Variants in RSU1 observed in about 807,000 individuals in gnomAD.
RSU1 encodes Ras suppressor protein 1.
Under a neutral mutation model 31.1 loss-of-function variants are expected in RSU1, and 26 were observed. The ratio of observed to expected loss-of-function variants is 0.84; its 90% confidence interval spans 0.61 to 1.16. RSU1 has a LOEUF of 1.16. RSU1 is among the 50% of genes most tolerant of loss of function. The pLI is 0.00. For missense variants in RSU1, 320 were observed against 339.1 expected (o/e 0.94, Z 0.44); for synonymous variants, 164 against 136.3 (o/e 1.20, Z -1.41).
chr10:16,749,830 C>T (rs898072162), intron 7 of RSU1, among the ~76,000 whole-genome samples: 4 of 152,200 alleles, frequency 2.6e-5, no homozygotes, highest in East Asian at 1.9e-4. Flanking sequence ...CCTGCCTTTT[C>T]GGGAGAGTGT....
chr10:16,749,443 A>T (rs1015491000), intron 7 of RSU1, among the ~76,000 whole-genome samples: 5 of 152,166 alleles, frequency 3.3e-5, no homozygotes, highest in African/African-American at 1.2e-4. Flanking sequence ...TCTCAAAAGC[A>T]TTTATCTCGT....
chr10:16,778,293 G>C (rs905302637), intron 3 of RSU1, among the ~76,000 whole-genome samples: 1 of 152,080 alleles, frequency 6.6e-6, no homozygotes, highest in African/African-American at 2.4e-5. Context: ...GTCTGTGGCA[G>C]CCACATCTAC....
chr10:16,633,602 T>C (rs1273734264), intron 8 of RSU1, among the ~76,000 whole-genome samples: 1 of 152,086 alleles, frequency 6.6e-6, no homozygotes, highest in Admixed American at 6.5e-5. Flanking sequence ...ACAGTGACTA[T>C]GTTGAGGTGG....
chr10:16,658,455 G>A (rs906157605), intron 8 of RSU1, among the ~76,000 whole-genome samples: 2 of 152,122 alleles, frequency 1.3e-5, no homozygotes, highest in Non-Finnish European at 2.9e-5. Context: ...CGGGCACAGG[G>A]GCTCATGCCT....
intron 7 of RSU1, among the ~76,000 whole-genome samples, chr10:16,743,064 G>T (rs1836783200): frequency 6.6e-6 from 1 of 152,142 alleles, no homozygotes; most frequent in South Asian, 2.1e-4. Context: ...GTGAAGTATG[G>T]CAAAAGAAAT....
At position 16,791,996 on chromosome 10, in the gene RSU1, T is replaced by A. The variant is rs559665872; in HGVS notation, c.110-9912A>T. 9.9e-5 allele frequency among the ~76,000 whole-genome samples: 15 copies of A among 152,238 alleles called. No individual in the cohort carries two copies. In the South Asian group the frequency reaches 2.9e-3, roughly 29 times the overall value. ...AGAATGGCACTTACATCCAGACAGA[T>A]GAGGGCGAACAAAGCCAGGATGAGA... On this transcript the variant is annotated intron_variant, in intron 2 of 8. Coordinates refer to ENST00000345264, the MANE Select transcript of RSU1 (RefSeq NM_012425.4).
Position 16,591,544 on chromosome 10 carries a change from T to A in RSU1, c.*1850A>T, listed in dbSNP as rs905987639. On this transcript the variant is annotated 3_prime_UTR_variant, in exon 9 of 9. Transcript: ENST00000345264. ...ATGTTACTCCTCTTGCACTTAATAC[T>A]GCCTTAAAAAATATTTGCACATTTC... 6.6e-6 allele frequency: 1 copy of A among 152,216 alleles called. No individual in the cohort carries two copies. The highest frequency in any genetic ancestry group is 1.5e-5 in the Non-Finnish European group (1 of 68,038). The allele number at this position is 152,216 out of a possible 1,614,324, so 9.4% of individuals were successfully genotyped here.
intron 3 of RSU1, among the ~76,000 whole-genome samples, chr10:16,770,883 G>T (rs774280344): frequency 3.0e-5 from 4 of 135,100 alleles, no homozygotes; most frequent in Non-Finnish European, 6.2e-5. Context: ...AGTCCCCAAA[G>T]AAACTACATA....
intron 2 of RSU1, among the ~76,000 whole-genome samples, chr10:16,786,661 G>A (rs962993244): frequency 3.3e-5 from 5 of 151,872 alleles, no homozygotes; most frequent in East Asian, 1.9e-4. Context: ...AACACCCTAC[G>A]TTCACCCCAA....
chr10:16,728,923 A>T (rs1836449600), intron 7 of RSU1, among the ~76,000 whole-genome samples: 1 of 152,224 alleles, frequency 6.6e-6, no homozygotes, highest in Non-Finnish European at 1.5e-5. Flanking sequence ...CTTGGGTGAC[A>T]TGTGGAGTCT....
At position 16,697,228 on chromosome 10, in the gene RSU1, A is replaced by G. The variant is rs867779181; in HGVS notation, c.599-2073T>C. Among the ~76,000 whole-genome samples, 5 of 152,142 alleles carry G rather than the reference A, an allele frequency of 3.3e-5. No homozygotes were observed. The East Asian group carries it at 5.8e-4, about 18-fold the overall frequency. On this transcript the variant is annotated intron_variant, in intron 7 of 8. Transcript: ENST00000345264. ...GGGAATGGTAGTGCTGCAGCTCAAT[A>G]TATCTCTCTTAAAACATTCACCTGA...
At chr10:16,816,811 T>A (rs1167671915) in intron 2 of RSU1, among the ~76,000 whole-genome samples, 162 bp downstream of exon 2, 2 of 152,136 alleles carry the variant, frequency 1.3e-5, no homozygotes, top group Non-Finnish European at 2.9e-5. Context: ...ACAGAACAAA[T>A]CCTACTGCAA....
At chr10:16,652,633 C>A (rs1834707811) in intron 8 of RSU1, among the ~76,000 whole-genome samples, 1 of 152,058 alleles carries the variant, frequency 6.6e-6, no homozygotes, top group African/African-American at 2.4e-5. Context: ...ATAAACATGG[C>A]AAATGTATAA....
chr10:16,717,665 G>A (rs974225967), intron 7 of RSU1, among the ~76,000 whole-genome samples: 42 of 152,154 alleles, frequency 2.8e-4, no homozygotes, highest in African/African-American at 9.4e-4. Context: ...ATGCCTTATT[G>A]TCTAGTATTA....
chr10:16,678,101 T>C (rs979947806), intron 8 of RSU1, among the ~76,000 whole-genome samples: 3 of 152,218 alleles, frequency 2.0e-5, no homozygotes, highest in Non-Finnish European at 2.9e-5. Flanking sequence ...CAAACCCTCA[T>C]GCCCTTTCAA....
intron 8 of RSU1, among the ~76,000 whole-genome samples, chr10:16,692,519 T>A (rs569759182): frequency 1.3e-5 from 2 of 152,290 alleles, no homozygotes; most frequent in African/African-American, 4.8e-5. Flanking sequence ...TATACTATCA[T>A]ATACAGAATG....
At chr10:16,594,385 C>T (rs1283880939) in intron 8 of RSU1, among the ~76,000 whole-genome samples, 1 of 151,488 alleles carries the variant, frequency 6.6e-6, no homozygotes, top group African/African-American at 2.4e-5. Flanking sequence ...GCATCTTGGG[C>T]TGTTTAGCAT....
chr10:16,724,061 C>T (rs1836334773), intron 7 of RSU1, among the ~76,000 whole-genome samples: 1 of 152,106 alleles, frequency 6.6e-6, no homozygotes, highest in African/African-American at 2.4e-5. Flanking sequence ...CTGCCTCAGC[C>T]TCCCCAATAG....
At chr10:16,718,322 A>T (rs1045828285) in intron 7 of RSU1, among the ~76,000 whole-genome samples, 3 of 152,204 alleles carry the variant, frequency 2.0e-5, no homozygotes, top group Non-Finnish European at 4.4e-5. Context: ...GGTACACAGA[A>T]TTTATACTCA....
Sources: gnomAD v4.1 joint callset for allele counts (sites outside exome capture counted in the v4.1 genomes callset) on GRCh38, gnomAD v4.1.1 for gene constraint, MANE v1.5 for transcripts, NCBI Gene and HGNC (gene_info 2026-07-23, HGNC 2026-07-21) for gene names.